The following ZFHX3 variants were observed in gnomAD, a reference collection of about 807,000 sequenced individuals.
The protein encoded by ZFHX3 is zinc finger homeobox 3, also known as zinc finger homeobox protein 3.
Under a neutral mutation model 279.1 loss-of-function variants are expected in ZFHX3, and 42 were observed. The ratio of observed to expected loss-of-function variants is 0.15; its 90% CI spans 0.12 to 0.19. ZFHX3 has a LOEUF of 0.19. ZFHX3 is among the 10% of genes least tolerant of loss of function. The pLI, the probability that ZFHX3 is intolerant of heterozygous loss-of-function variation, is 1.00. For synonymous variants in ZFHX3, 2,293 were observed against 1,957.8 expected (o/e 1.17, Z -4.52); for missense variants, 4,981 against 4,754.0 (o/e 1.05, Z -1.40).
intron 5 of ZFHX3, among the ~76,000 whole-genome samples, chr16:72,819,577 T>C (rs978422110): frequency 1.3e-5 from 2 of 152,140 alleles, no homozygotes; most frequent in African/African-American, 4.8e-5. Context: ...TTGAGAACAG[T>C]GGTCAGAGCC....
chr16:73,761,984 G>C (rs1408390229), intron 1 of ZFHX3, among the ~76,000 whole-genome samples: 1 of 151,926 alleles, frequency 6.6e-6, no homozygotes, highest in Non-Finnish European at 1.5e-5. Context: ...TTGACAAATG[G>C]GACCTAATTA....
At chr16:73,349,648 CT>C (rs1365740373) in intron 3 of ZFHX3, among the ~76,000 whole-genome samples, 278 of 19,824 alleles carry the variant, frequency 0.014, 47 homozygotes, top group Middle Eastern at 0.067. Flanking sequence ...CTCCCTCCCT[CT>C]CTCCCTCCTT....
intron 7 of ZFHX3, among the ~76,000 whole-genome samples, chr16:73,094,857 A>G (rs963315041): frequency 2.2e-4 from 34 of 151,970 alleles, no homozygotes; most frequent in African/African-American, 7.2e-4. Context: ...CTGCAGATGT[A>G]CACCGTCATG....
Position 72,794,462 on chromosome 16 carries a change from T to A in ZFHX3, c.8220A>T (p.Arg2740Ser). ...CAGACAGAGTTAGGTTGTAGCCAGC[T>A]CTCTTGGCTTCATGCCAGTGACGGG... ...IRSRHWHEAKRAGYNLTLSAM... is the reference protein window; with the variant it reads ...IRSRHWHEAKSAGYNLTLSAM... Residue 2740 changes from arginine (R) to serine (S), a missense_variant, in exon 9 of 10, where the codon AGA (arginine) becomes AGT (serine). Arg to Ser is a moderately radical substitution (Grantham distance 110). Coordinates refer to ENST00000268489, the MANE Select transcript of ZFHX3 (RefSeq NM_006885.4). This position sits in a 1 kb window ranked among gnomAD's most constrained non-coding sequence, Gnocchi z 4.2. 6.2e-7 allele frequency: 1 copy of A among 1,614,162 alleles called. No individual in the cohort carries two copies. Among genetic ancestry groups the A allele is most frequent in the Middle Eastern group, 1.6e-4 (1 of 6,062 alleles).
intron 3 of ZFHX3, among the ~76,000 whole-genome samples, chr16:73,361,172 C>T (rs769250703): frequency 5.3e-5 from 8 of 152,234 alleles, no homozygotes; most frequent in East Asian, 1.9e-4. Context: ...TAGGCTGGCA[C>T]GTTGGTGGCC....
At position 72,786,256 on chromosome 16, in the gene ZFHX3, TC is replaced by T. The variant is rs1300041363; in HGVS notation, c.*907del. 2.0e-5 allele frequency: 3 copies of T among 152,104 alleles called. No homozygotes were observed. The highest frequency in any genetic ancestry group is 6.6e-5 in the Admixed American group (1 of 15,246). The allele number at this position is 152,104 out of a possible 1,614,324, so 9.4% of individuals were successfully genotyped here. A position where few individuals can be genotyped will look rare whatever the true frequency, so the allele number is the denominator to read the frequency against. ...TACACAAAAGGTTTTTTTTTTTTTT[TC>T]CTTTTAAATCTACCATACTGCTTCA... On this transcript the variant is annotated 3_prime_UTR_variant, in exon 10 of 10. Transcript: ENST00000268489.
intron 3 of ZFHX3, among the ~76,000 whole-genome samples, chr16:73,393,881 A>C (rs988275311): frequency 4.0e-5 from 6 of 148,540 alleles, no homozygotes; most frequent in East Asian, 1.9e-4. Context: ...ATATATATAT[A>C]TCTCATGTAT....
chr16:73,387,137 A>C (rs2016917198), intron 3 of ZFHX3: 2 of 152,320 alleles, frequency 1.3e-5, no homozygotes, highest in South Asian at 4.1e-4. Context: ...AGACTGTGTG[A>C]GTGCTGCTTC....
rs142845326 is a variant in ZFHX3 at position 73,301,291 on chromosome 16, C to T, written c.-1194+16949G>A. On this transcript the variant is annotated intron_variant, in intron 4 of 17. Coordinates refer to the ZFHX3 transcript ENST00000641206. Reference sequence around the variant, plus strand: ...CTAGAGGTGACTATCATGTTTCTGGCGGAAGAAGGAAGGATTAGAGGTAAA... The same window carrying T: ...CTAGAGGTGACTATCATGTTTCTGGTGGAAGAAGGAAGGATTAGAGGTAAA... 7.2e-4 allele frequency among the ~76,000 whole-genome samples: 109 copies of T among 152,072 alleles called. No homozygotes were observed. The South Asian group carries it at 8.7e-3, about 12-fold the overall frequency.
chr16:73,029,970 C>CTCTT (rs1772752505), intron 1 of ZFHX3, among the ~76,000 whole-genome samples: 2 of 152,200 alleles, frequency 1.3e-5, no homozygotes, highest in Admixed American at 1.3e-4. Flanking sequence ...CTTGGGACTC[C>CTCTT]TCTTTGATCC....
intron 1 of ZFHX3, among the ~76,000 whole-genome samples, chr16:73,768,692 C>T (rs933556594): frequency 2.6e-5 from 4 of 152,124 alleles, no homozygotes; most frequent in Admixed American, 6.5e-5. Flanking sequence ...AATCATCAAA[C>T]TTTAGAAATA....
intron 2 of ZFHX3, among the ~76,000 whole-genome samples, chr16:73,649,376 G>C (rs953880319): frequency 6.6e-6 from 1 of 152,140 alleles, no homozygotes; most frequent in African/African-American, 2.4e-5. Context: ...ATGTGATACA[G>C]TGCAGCCAAA....
rs1198659168 is a variant in ZFHX3 at position 72,933,645 on chromosome 16, CT to C, written c.3216+16823del. Among the ~76,000 whole-genome samples, 11 of 152,258 alleles carry C rather than the reference CT, an allele frequency of 7.2e-5. No homozygotes were observed. The East Asian group carries it at 2.1e-3, about 29-fold the overall frequency. On this transcript the variant is annotated intron_variant, in intron 3 of 9. Coordinates refer to ENST00000268489, the MANE Select transcript of ZFHX3 (RefSeq NM_006885.4). Reference sequence around the variant, plus strand: ...GAAGCAGTACACTCCACCCCTCCCCCTACTCCAGCATGCACAGCCTCAACTA... The same window carrying C: ...GAAGCAGTACACTCCACCCCTCCCCCACTCCAGCATGCACAGCCTCAACTA...
intron 4 of ZFHX3, among the ~76,000 whole-genome samples, chr16:72,838,172 G>A (rs570198155): frequency 6.6e-6 from 1 of 152,164 alleles, no homozygotes; most frequent in Non-Finnish European, 1.5e-5. Flanking sequence ...CTGTTTTTTG[G>A]CATCAGGCTC....
intron 1 of ZFHX3, among the ~76,000 whole-genome samples, chr16:73,773,074 C>T (rs1481630178): frequency 6.6e-6 from 1 of 152,194 alleles, no homozygotes; most frequent in Non-Finnish European, 1.5e-5. Flanking sequence ...CATGGGGCTA[C>T]TCAAAGTTAA....
chr16:73,084,583 C>T (rs1397439155), intron 8 of ZFHX3, among the ~76,000 whole-genome samples: 9 of 144,546 alleles, frequency 6.2e-5, no homozygotes, highest in African/African-American at 1.3e-4. Flanking sequence ...TGCAGTGGCA[C>T]GATCTCGGCT....
At chr16:73,350,630 G>A (rs573186995) in intron 3 of ZFHX3, among the ~76,000 whole-genome samples, 13 of 152,126 alleles carry the variant, frequency 8.5e-5, no homozygotes, top group Non-Finnish European at 1.3e-4. Flanking sequence ...GGGATTTCTC[G>A]GGCTTCTCAT....
At chr16:73,537,316 T>TC (rs201054766) in intron 2 of ZFHX3, among the ~76,000 whole-genome samples, 112 of 11,380 alleles carry the variant, frequency 9.8e-3, no homozygotes, top group South Asian at 0.019. Flanking sequence ...TTCTTCTTCT[T>TC]TTTTTTTTTT....
chr16:73,079,495 A>C (rs942287451), intron 8 of ZFHX3, among the ~76,000 whole-genome samples: 3 of 152,108 alleles, frequency 2.0e-5, no homozygotes, highest in African/African-American at 4.8e-5. Flanking sequence ...TCCAAAAAAA[A>C]CCAATTATTT....
Sources: allele counts gnomAD v4.1 joint callset (sites outside exome capture counted in the v4.1 genomes callset), GRCh38; gene constraint gnomAD v4.1.1; non-coding constraint Gnocchi (gnomAD v3.1); transcripts MANE v1.5; gene names NCBI Gene and HGNC (gene_info 2026-07-23, HGNC 2026-07-21).